CDK6: variants seen among roughly 807,000 people sequenced by gnomAD.
The protein encoded by CDK6 is cyclin-dependent kinase 6.
CDK6 carries 6 observed loss-of-function variants against 37.1 expected under a neutral mutation model. That is an observed-to-expected ratio of 0.16 (90% CI 0.09 to 0.32). The LOEUF is 0.32. Among genes scored for constraint, CDK6 ranks in the 10% least tolerant of loss-of-function variants. The pLI is 1.00. For synonymous variants in CDK6, 160 were observed against 161.3 expected, an observed-to-expected ratio of 0.99 and a Z score of 0.06; for missense variants, 224 against 418.9, an observed-to-expected ratio of 0.53 and a Z score of 4.06.
intron 3 of CDK6, among the ~76,000 whole-genome samples, chr7:92,751,102 C>A (rs1426913842): frequency 6.6e-6 from 1 of 152,092 alleles, no homozygotes; most frequent in Non-Finnish European, 1.5e-5. Flanking sequence ...AGACAAATTC[C>A]TGGAGTGCTT....
At chr7:92,702,061 G>C (rs1797860853) in intron 4 of CDK6, among the ~76,000 whole-genome samples, 1 of 151,986 alleles carries the variant, frequency 6.6e-6, no homozygotes, top group South Asian at 2.1e-4. Flanking sequence ...CTTCACATGT[G>C]ATCACTGTTG....
intron 4 of CDK6, chr7:92,725,175 C>T: frequency 1.0e-6 from 1 of 985,402 alleles, no homozygotes; most frequent in Non-Finnish European, 1.2e-6. Flanking sequence ...TTCTTTACAG[C>T]TGGCACCATA....
At chr7:92,692,258 C>T (rs566942135) in intron 4 of CDK6, among the ~76,000 whole-genome samples, 5 of 144,748 alleles carry the variant, frequency 3.5e-5, no homozygotes, top group African/African-American at 1.1e-4. Context: ...AGTGAAACTC[C>T]GTCTCAAAAA....
chr7:92,626,594 G>T (rs1795933166), intron 5 of CDK6, among the ~76,000 whole-genome samples: 1 of 152,104 alleles, frequency 6.6e-6, no homozygotes, highest in Admixed American at 6.6e-5. Context: ...GGGGTTTACT[G>T]AGTCAATAAG....
Position 92,607,902 on chromosome 7 carries a change from C to G in CDK6, c.*7238G>C, listed in dbSNP as rs1402201113. ...TCAGAATGAAAAGATATATCATGCA[C>G]TGTGAGGTTTAAGAAATGTATTACT... is the stretch of plus-strand genomic sequence containing the variant. On this transcript the variant is annotated 3_prime_UTR_variant, in exon 8 of 8. Transcript: ENST00000424848. The G allele has an allele frequency of 4.3e-6, 1 of 233,272 alleles. No homozygotes were observed. The highest frequency in any genetic ancestry group is 8.5e-6 in the Non-Finnish European group (1 of 117,928). The allele number at this position is 233,272 out of a possible 1,614,324, so 14.5% of individuals were successfully genotyped here.
intron 4 of CDK6, among the ~76,000 whole-genome samples, chr7:92,672,184 GACACATAC>G (rs1421395822): frequency 5.4e-4 from 24 of 44,134 alleles, no homozygotes; most frequent in South Asian, 2.3e-3. Context: ...CACACACACA[GACACATAC>G]ACACACACAC....
At chr7:92,636,080 A>C (rs994970523) in intron 5 of CDK6, among the ~76,000 whole-genome samples, 1 of 152,148 alleles carries the variant, frequency 6.6e-6, no homozygotes, top group Non-Finnish European at 1.5e-5. Flanking sequence ...TTTTTGAGAC[A>C]AGATCTCATT....
At chr7:92,743,684 A>G (rs1245399879) in intron 3 of CDK6, among the ~76,000 whole-genome samples, 2 of 152,246 alleles carry the variant, frequency 1.3e-5, no homozygotes, top group African/African-American at 4.8e-5. Flanking sequence ...TAAACTGACT[A>G]TATCAAGAGT....
At chr7:92,763,357 A>T (rs1799504189) in intron 3 of CDK6, among the ~76,000 whole-genome samples, 1 of 152,224 alleles carries the variant, frequency 6.6e-6, no homozygotes. Context: ...GACCCATTAC[A>T]CTTGCAAGTC....
chr7:92,708,323 GCAT>G (rs1798011269), intron 4 of CDK6, among the ~76,000 whole-genome samples: 1 of 152,188 alleles, frequency 6.6e-6, no homozygotes. Context: ...GCTTCAAAGT[GCAT>G]CATCATTACC....
intron 4 of CDK6, among the ~76,000 whole-genome samples, chr7:92,720,943 C>T (rs1585428037): frequency 6.6e-6 from 1 of 152,274 alleles, no homozygotes; most frequent in Middle Eastern, 3.4e-3. Context: ...TTTTACCTAT[C>T]AGCTATGTAC....
At chr7:92,758,538 C>G (rs1293895485) in intron 3 of CDK6, among the ~76,000 whole-genome samples, 1 of 152,018 alleles carries the variant, frequency 6.6e-6, no homozygotes, top group Non-Finnish European at 1.5e-5. Context: ...TACTGCAGCC[C>G]TGTAGTATCA....
At chr7:92,725,831 A>C in intron 3 of CDK6, 38 bp from the exon 4 acceptor site, 1 of 1,581,188 alleles carries the variant, frequency 6.3e-7, no homozygotes, top group Non-Finnish European at 8.6e-7. Flanking sequence ...TAAACACTCA[A>C]AACGGAAGTT....
chr7:92,685,009 T>C (rs1797416827), intron 4 of CDK6, among the ~76,000 whole-genome samples: 1 of 152,222 alleles, frequency 6.6e-6, no homozygotes, highest in African/African-American at 2.4e-5. Context: ...TAGCCCTTTA[T>C]TTAATTTCCT....
chr7:92,622,933 T>A (rs534895688), intron 6 of CDK6, 103 bp downstream of exon 6: 3 of 725,204 alleles, frequency 4.1e-6, no homozygotes, highest in Non-Finnish European at 7.1e-6. Flanking sequence ...CTGCTTGAAG[T>A]AAGAAAGACA....
chr7:92,732,785 G>C (rs1036883967), intron 3 of CDK6, among the ~76,000 whole-genome samples: 3 of 152,152 alleles, frequency 2.0e-5, no homozygotes, highest in Admixed American at 6.5e-5. Flanking sequence ...ACAGTAGAAT[G>C]CTCTCTGCTG....
chr7:92,713,706 A>C (rs1350874661), intron 4 of CDK6, among the ~76,000 whole-genome samples: 1 of 151,558 alleles, frequency 6.6e-6, no homozygotes, highest in African/African-American at 2.4e-5. Flanking sequence ...TATCACTGAG[A>C]TCTTGTGCAC....
intron 6 of CDK6, among the ~76,000 whole-genome samples, chr7:92,622,658 G>C (rs1795829539): frequency 6.6e-6 from 1 of 152,068 alleles, no homozygotes; most frequent in African/African-American, 2.4e-5. Context: ...TACTCAGTGG[G>C]GACAGGAAGC....
chr7:92,652,168 G>GC (rs1796590685), intron 5 of CDK6, among the ~76,000 whole-genome samples: 1 of 152,150 alleles, frequency 6.6e-6, no homozygotes, highest in South Asian at 2.1e-4. Flanking sequence ...GTAGAGAAAT[G>GC]CATGTTAAGA....
Sources: gnomAD v4.1 joint callset for allele counts (sites outside exome capture counted in the v4.1 genomes callset) on GRCh38, gnomAD v4.1.1 for gene constraint, MANE v1.5 for transcripts, NCBI Gene and HGNC (gene_info 2026-07-23, HGNC 2026-07-21) for gene names.